The following THSD7B variants were observed in gnomAD, a reference collection of about 807,000 sequenced individuals.
The protein encoded by THSD7B is thrombospondin type-1 domain-containing protein 7B.
THSD7B carries 138 observed loss-of-function variants against 213.6 expected under a neutral mutation model. The ratio of observed to expected loss-of-function variants is 0.65; its 90% CI spans 0.56 to 0.74. The LOEUF is 0.74. THSD7B is among the 30% of genes least tolerant of loss of function. The pLI is 0.00. For missense variants in THSD7B, 1,931 were observed against 1,991.5 expected (o/e 0.97, Z 0.58); for synonymous variants, 742 against 687.0 (o/e 1.08, Z -1.25).
chr2:137,289,077 T>G (rs2104830046), intron 12 of THSD7B, among the ~76,000 whole-genome samples: 1 of 152,088 alleles, frequency 6.6e-6, no homozygotes, highest in South Asian at 2.1e-4. Context: ...GTGCTTATAG[T>G]TGCTCAGGAA....
chr2:136,784,242 GC>G (rs150859671), intron 1 of THSD7B, among the ~76,000 whole-genome samples: 2,595 of 152,226 alleles, frequency 0.017, 43 homozygotes, highest in South Asian at 0.049. Context: ...ATTCTTCAGG[GC>G]AAAACAAAAG....
chr2:137,513,557 A>G (rs943035932), intron 15 of THSD7B, among the ~76,000 whole-genome samples: 6 of 152,266 alleles, frequency 3.9e-5, no homozygotes, highest in African/African-American at 1.4e-4. Flanking sequence ...TTGATGATAT[A>G]CAGACACATA....
chr2:137,549,460 G>A (rs1045024789), intron 15 of THSD7B, among the ~76,000 whole-genome samples: 5 of 151,556 alleles, frequency 3.3e-5, no homozygotes, highest in African/African-American at 1.2e-4. Flanking sequence ...TCTCCTAGAT[G>A]GTAAAAGCAG....
intron 2 of THSD7B, among the ~76,000 whole-genome samples, chr2:136,919,060 T>G (rs1412903121): frequency 6.6e-6 from 1 of 152,180 alleles, no homozygotes; most frequent in African/African-American, 2.4e-5. Context: ...TCTAGTTCCT[T>G]AAATTGGTGT....
intron 2 of THSD7B, among the ~76,000 whole-genome samples, chr2:137,002,508 A>G (rs1225664204): frequency 6.6e-6 from 1 of 152,154 alleles, no homozygotes; most frequent in East Asian, 1.9e-4. Context: ...TGAGTTTTTA[A>G]AAACTTCCTT....
At chr2:137,309,438 A>G (rs1284615539) in intron 12 of THSD7B, among the ~76,000 whole-genome samples, 1 of 151,490 alleles carries the variant, frequency 6.6e-6, no homozygotes, top group Middle Eastern at 3.2e-3. Context: ...AAACTTCCTT[A>G]TGAACTTATT....
intron 4 of THSD7B, among the ~76,000 whole-genome samples, chr2:137,111,912 A>C (rs1009121988): frequency 6.6e-6 from 1 of 152,120 alleles, no homozygotes; most frequent in Non-Finnish European, 1.5e-5. Flanking sequence ...ATTCCCTTTT[A>C]ACCAAGAGGG....
chr2:136,794,091 G>A (rs1001875333), intron 1 of THSD7B, among the ~76,000 whole-genome samples: 2 of 148,932 alleles, frequency 1.3e-5, no homozygotes, highest in Non-Finnish European at 3.0e-5. Flanking sequence ...TTCCTGATAT[G>A]TGTGCTTTGT....
chr2:137,189,425 C>T (rs533282796), intron 7 of THSD7B, among the ~76,000 whole-genome samples: 116 of 152,228 alleles, frequency 7.6e-4, no homozygotes, highest in Non-Finnish European at 1.4e-3. Flanking sequence ...TTATGATGTT[C>T]GCTCTAGGCC....
rs751547317 is a variant in THSD7B, at chr2:137,616,211, C to T, written c.3460C>T (p.His1154Tyr). The T allele has an allele frequency of 1.9e-6, 3 of 1,613,752 alleles. No individual in the cohort carries two copies. Among genetic ancestry groups the T allele is most frequent in the Non-Finnish European group, 8.5e-7 (1 of 1,179,752 alleles). ...DPHTMQRRTRHLLRPSLNSRT... is the reference protein window; with the variant it reads ...DPHTMQRRTRYLLRPSLNSRT... ...CCACACAATGCAGAGAAGAACTCGC[C>T]ACCTGCTAAGACCATCACTGAACTC... Residue 1154 changes from histidine (H) to tyrosine (Y), a missense_variant, in exon 18 of 28, where the codon CAC (histidine) becomes TAC (tyrosine). His to Tyr is a moderately conservative substitution (Grantham distance 83). Transcript: ENST00000409968.
chr2:136,817,871 G>A (rs1255261353), intron 1 of THSD7B, among the ~76,000 whole-genome samples: 10 of 149,522 alleles, frequency 6.7e-5, no homozygotes, highest in Non-Finnish European at 1.3e-4. Context: ...CAGTTAGAAT[G>A]GCAATCATTA....
intron 1 of THSD7B, among the ~76,000 whole-genome samples, chr2:136,850,421 A>G (rs1221549661): frequency 1.3e-5 from 2 of 152,094 alleles, no homozygotes; most frequent in Admixed American, 6.6e-5. Context: ...CAAATGATAT[A>G]AAACAAGTGT....
At chr2:136,834,256 C>T (rs1402885091) in intron 1 of THSD7B, among the ~76,000 whole-genome samples, 7 of 152,126 alleles carry the variant, frequency 4.6e-5, no homozygotes, top group African/African-American at 9.7e-5. Flanking sequence ...TAAATATCAC[C>T]GTTGGTTGTT....
chr2:137,622,026 G>C (rs1682529437), intron 20 of THSD7B, among the ~76,000 whole-genome samples: 1 of 152,144 alleles, frequency 6.6e-6, no homozygotes, highest in African/African-American at 2.4e-5. Flanking sequence ...CTGCACGAGT[G>C]AGAACTCACT....
At chr2:137,528,281 C>G (rs912784414) in intron 15 of THSD7B, among the ~76,000 whole-genome samples, 4 of 152,048 alleles carry the variant, frequency 2.6e-5, no homozygotes, top group Admixed American at 1.3e-4. Context: ...AGGAGTCAGA[C>G]AGCCCTAGAC....
At chr2:136,932,085 T>C (rs534141) in intron 2 of THSD7B, among the ~76,000 whole-genome samples, 61,520 of 150,580 alleles carry the variant, frequency 0.41, 14,737 homozygotes, top group Non-Finnish European at 0.55. Context: ...TATATCTTTC[T>C]TTAAGCCTCT....
At chr2:137,478,927 C>G (rs1419293143) in intron 15 of THSD7B, among the ~76,000 whole-genome samples, 1 of 152,156 alleles carries the variant, frequency 6.6e-6, no homozygotes, top group African/African-American at 2.4e-5. Context: ...AGTAGGCCAA[C>G]CCTTGGACCC....
At chr2:137,441,612 A>G (rs1283722067) in intron 14 of THSD7B, among the ~76,000 whole-genome samples, 4 of 152,122 alleles carry the variant, frequency 2.6e-5, no homozygotes, top group African/African-American at 9.7e-5. Context: ...AAGAAATTGG[A>G]AACCTGCAGC....
intron 17 of THSD7B, among the ~76,000 whole-genome samples, chr2:137,597,406 G>C (rs1681982855): frequency 6.6e-6 from 1 of 151,478 alleles, no homozygotes; most frequent in African/African-American, 2.4e-5. Flanking sequence ...CAGCTGTAAA[G>C]GTCATTTCCT....
Sources: allele counts gnomAD v4.1 joint callset (sites outside exome capture counted in the v4.1 genomes callset), GRCh38; gene constraint gnomAD v4.1.1; transcripts MANE v1.5; gene names NCBI Gene and HGNC (gene_info 2026-07-23, HGNC 2026-07-21).